Variants in CCDC27 observed in about 807,000 individuals in gnomAD.
The protein encoded by CCDC27 is coiled-coil domain containing 27.
Under a neutral mutation model 80.3 loss-of-function variants are expected in CCDC27, and 80 were observed. The observed-to-expected ratio is 1.00, with a 90% confidence interval of 0.83 to 1.20. CCDC27 has a LOEUF of 1.20. Ranked by LOEUF, CCDC27 falls within the 50% of genes most tolerant of loss-of-function variation. The pLI, the probability that CCDC27 is intolerant of heterozygous loss-of-function variation, is 0.00. For missense variants in CCDC27, 815 were observed against 809.4 expected, an observed-to-expected ratio of 1.01 and a Z score of -0.08; for synonymous variants, 342 against 334.3, an observed-to-expected ratio of 1.02 and a Z score of -0.25.
chr1:3,771,266 C>T lies in CCDC27; in HGVS notation c.1849-135C>T, dbSNP rs946779602. ...GGTTGTAAGTATTCACCAGCACACCCCTGCTGCAGCAAGCCTCTCTGGAGG... is the reference window on the plus strand; with the variant it reads ...GGTTGTAAGTATTCACCAGCACACCTCTGCTGCAGCAAGCCTCTCTGGAGG... On this transcript the variant is annotated intron_variant, in intron 11 of 11. Transcript: ENST00000294600. The T allele has an allele frequency of 2.3e-5, 24 of 1,063,582 alleles. No individual in the cohort carries two copies. The African/African-American group carries it at 3.3e-4, about 15-fold the overall frequency. 65.9% of individuals were successfully genotyped at this position (1,063,582 alleles called of 1,614,324 possible). A position where few individuals can be genotyped will look rare whatever the true frequency, so the allele number is the denominator to read the frequency against.
chr1:3,763,200 G>A lies in CCDC27; in HGVS notation c.1047G>A (p.Gly349=). The change falls in exon 7 of 12, where the codon GGG becomes GGA. Residue 349 remains glycine (G), a synonymous_variant. Coordinates refer to ENST00000294600, the MANE Select transcript of CCDC27 (RefSeq NM_152492.3). The surrounding 1 kb of genome is among the most constrained non-coding windows in gnomAD (Gnocchi z 7.5). ...AGGGCCTGGAAGGGGAGCCCGATGG[G>A]GTGGAGGACACGGGTGCCTGGGGAG... ...EDEGLEGEPD[G]VEDTGAWGGV... 2 of 1,529,440 alleles carry A rather than the reference G, an allele frequency of 1.3e-6. No homozygotes were observed. Among genetic ancestry groups the A allele is most frequent in the Non-Finnish European group, 8.8e-7 (1 of 1,135,106 alleles). The allele number at this position is 1,529,440 out of a possible 1,614,324, so 94.7% of individuals were successfully genotyped here. A position where few individuals can be genotyped will look rare whatever the true frequency, so the allele number is the denominator to read the frequency against.
intron 5 of CCDC27, 87 bp from the exon 6 acceptor site, chr1:3,762,533 G>A (rs545038171): frequency 1.0e-3 from 1,069 of 1,045,452 alleles, no homozygotes; most frequent in Non-Finnish European, 1.2e-3. Flanking sequence ...ATGAGAGGCC[G>A]CTGTCCCTTC....
Position 3,761,532 on chromosome 1 carries a change from C to T in CCDC27, c.861+102C>T. ...CACAGGCCCCTGGCAAACCCCCAGG[C>T]CCCCTGGATCCTATCAGGTCCTCAC... On this transcript the variant is annotated intron_variant, in intron 5 of 11. Transcript: ENST00000294600. This position sits in a 1 kb window ranked among gnomAD's most constrained non-coding sequence, Gnocchi z 5.0. The T allele has an allele frequency of 1.5e-6, 2 of 1,352,040 alleles. No homozygotes were observed. The allele number at this position is 1,352,040 out of a possible 1,614,324, so 83.8% of individuals were successfully genotyped here. A position where few individuals can be genotyped will look rare whatever the true frequency, so the allele number is the denominator to read the frequency against.
Position 3,766,650 on chromosome 1 carries a change from A to G in CCDC27, c.1530+38A>G. On this transcript the variant is annotated intron_variant, in intron 9 of 11. Coordinates refer to ENST00000294600, the MANE Select transcript of CCDC27 (RefSeq NM_152492.3). This position sits in a 1 kb window ranked among gnomAD's most constrained non-coding sequence, Gnocchi z 6.1. ...GTGTCGTTAAATGATCAGCCAGGCCACTGTTCTTACTGTAAGTCCCAACAC... is the reference window on the plus strand; with the variant it reads ...GTGTCGTTAAATGATCAGCCAGGCCGCTGTTCTTACTGTAAGTCCCAACAC... 6.5e-7 allele frequency: 1 copy of G among 1,536,098 alleles called. No homozygotes were observed. Among genetic ancestry groups the G allele is most frequent in the Non-Finnish European group, 9.0e-7 (1 of 1,111,998 alleles).
chr1:3,761,345 AG>A lies in CCDC27; in HGVS notation c.778del (p.Glu260ArgfsTer6), dbSNP rs1643080209. On this transcript the variant is annotated frameshift_variant, in exon 5 of 12. Transcript: ENST00000294600. LOFTEE classifies it high-confidence loss of function. The surrounding 1 kb of genome is among the most constrained non-coding windows in gnomAD (Gnocchi z 5.0). ...AAAGACGAGGAGATCCTGCTGCTCC[AG>A]GAGGAGAGGGAGGCCCTGAAGATGC... is the stretch of plus-strand genomic sequence containing the variant. ...QKKDEEILLL[Q>X]EEREALKMQL... 1.2e-6 allele frequency: 2 copies of A among 1,614,170 alleles called. No individual in the cohort carries two copies. Among genetic ancestry groups the A allele is most frequent in the Non-Finnish European group, 1.7e-6 (2 of 1,180,018 alleles).
chr1:3,753,272 G>A (rs1190088898), intron 1 of CCDC27, among the ~76,000 whole-genome samples: 1 of 151,910 alleles, frequency 6.6e-6, no homozygotes, highest in Non-Finnish European at 1.5e-5. Context: ...CTTCCTGGGT[G>A]AATGCATTGC....
chr1:3,756,645 C>A (rs1408093507), intron 3 of CCDC27, 88 bp from the exon 4 acceptor site: 1 of 1,449,638 alleles, frequency 6.9e-7, no homozygotes. Flanking sequence ...AGGGAAGTCT[C>A]GGAAGGGTGG....
At chr1:3,767,566 T>C in intron 10 of CCDC27, 121 bp downstream of exon 10, 1 of 786,832 alleles carries the variant, frequency 1.3e-6, no homozygotes, top group Non-Finnish European at 2.0e-6. Flanking sequence ...TCGGGCTGGT[T>C]CTGCCGTGTA....
rs764066435 is a variant in CCDC27 at position 3,763,584 on chromosome 1, G to T, written c.1321+110G>T. 87 of 1,556,210 alleles carry T rather than the reference G, an allele frequency of 5.6e-5. No homozygotes were observed. Among genetic ancestry groups the T allele is most frequent in the Non-Finnish European group, 7.5e-5 (86 of 1,146,488 alleles). On this transcript the variant is annotated intron_variant, in intron 7 of 11. Coordinates refer to ENST00000294600, the MANE Select transcript of CCDC27 (RefSeq NM_152492.3). This position sits in a 1 kb window ranked among gnomAD's most constrained non-coding sequence, Gnocchi z 7.5. ...TGGTCAGTGAGCTGGAGCAGGGGCA[G>T]GTGTCGGCAGCCTCACCCAGGCTGG... is the stretch of plus-strand genomic sequence containing the variant.
At position 3,766,591 on chromosome 1, in the gene CCDC27, G is replaced by A. The variant is rs1643232278; in HGVS notation, c.1509G>A (p.Lys503=). 1.2e-6 allele frequency: 2 copies of A among 1,613,674 alleles called. No homozygotes were observed. Among genetic ancestry groups the A allele is most frequent in the East Asian group, 2.2e-5 (1 of 44,864 alleles). Residue 503 remains lysine, a synonymous_variant, in exon 9 of 12, where the codon AAG becomes AAA. Coordinates refer to ENST00000294600, the MANE Select transcript of CCDC27 (RefSeq NM_152492.3). This position sits in a 1 kb window ranked among gnomAD's most constrained non-coding sequence, Gnocchi z 6.1. ...AAGAGATGATGGGGCTCATTGAAAAGGACAACCAGCTCCTCCGACAGGTGA... is the reference window on the plus strand; with the variant it reads ...AAGAGATGATGGGGCTCATTGAAAAAGACAACCAGCTCCTCCGACAGGTGA... ...KHQEMMGLIE[K]DNQLLRQQVS...
At chr1:3,762,343 G>T (rs1004714197) in intron 5 of CCDC27, among the ~76,000 whole-genome samples, 3 of 152,272 alleles carry the variant, frequency 2.0e-5, no homozygotes. Context: ...CAGTGGGCGT[G>T]TGTAAGGCTG....
At chr1:3,762,794 G>A in intron 6 of CCDC27, 82 bp downstream of exon 6, 1 of 1,286,034 alleles carries the variant, frequency 7.8e-7, no homozygotes, top group South Asian at 1.4e-5. Flanking sequence ...AGAGGCCCAG[G>A]CCCCAAGTGT....
In CCDC27 at chr1:3,752,754, G is replaced by A. The variant is rs571142679; in HGVS notation, c.273G>A (p.Thr91=). ...GGAAACCGCACCAAAAGCCACGCAC[G>A]CTCAGCAAGTCGGTCCAGACCATCA... ...PEWKPHQKPR[T]LSKSVQTISR... Residue 91 remains threonine, a synonymous_variant, in exon 1 of 12, where the codon ACG becomes ACA. Coordinates refer to ENST00000294600, the MANE Select transcript of CCDC27 (RefSeq NM_152492.3). The A allele has an allele frequency of 7.4e-6, 12 of 1,613,500 alleles. No homozygotes were observed. The highest frequency in any genetic ancestry group is 1.1e-5 in the South Asian group (1 of 91,072).
At chr1:3,762,568 G>A in intron 5 of CCDC27, 52 bp from the exon 6 acceptor site, 1 of 1,430,756 alleles carries the variant, frequency 7.0e-7, no homozygotes, top group South Asian at 1.2e-5. Context: ...GTCTGTCCCT[G>A]GGGTGCTGCA....
In CCDC27 at chr1:3,752,565, G is replaced by A. The variant is rs1217907629; in HGVS notation, c.84G>A (p.Arg28=). The change falls in exon 1 of 12, where the codon AGG becomes AGA. Residue 28 remains arginine (R), a synonymous_variant. Transcript: ENST00000294600. ...AAAAGCCGGGCCTGTCCTCATTCAG[G>A]TCCACATTCAGGCAACAAAGCTCAC... ...PREKPGLSSF[R]STFRQQSSLG... is the part of the protein sequence containing the mutation. 6.2e-7 allele frequency: 1 copy of A among 1,614,034 alleles called. No homozygotes were observed. The highest frequency in any genetic ancestry group is 8.5e-7 in the Non-Finnish European group (1 of 1,180,054).
chr1:3,766,827 G>A lies in CCDC27; in HGVS notation c.1530+215G>A, dbSNP rs1035832267. On this transcript the variant is annotated intron_variant, in intron 9 of 11. Coordinates refer to ENST00000294600, the MANE Select transcript of CCDC27 (RefSeq NM_152492.3). This position sits in a 1 kb window ranked among gnomAD's most constrained non-coding sequence, Gnocchi z 6.1. The stretch of plus-strand genomic sequence containing the variant: ...ACTGGACTGGAGGGACCCAGCAAGC[G>A]TTCCCAGTCCTTTTTTTTTTTTTTT... Among the ~76,000 whole-genome samples the A allele has an allele frequency of 2.7e-5, 4 of 146,250 alleles. No homozygotes were observed. Among genetic ancestry groups the A allele is most frequent in the African/African-American group, 1.0e-4 (4 of 38,974 alleles).
Position 3,763,418 on chromosome 1 carries a change from T to A in CCDC27, c.1265T>A (p.Ile422Asn), listed in dbSNP as rs1331099350. The A allele has an allele frequency of 6.2e-7, 1 of 1,612,028 alleles. No homozygotes were observed. The highest frequency in any genetic ancestry group is 8.5e-7 in the Non-Finnish European group (1 of 1,179,608). ...LAQLEEYEQV[I>N]LDFQFNLEAT... Reference sequence around the variant, plus strand: ...CAGCTGGAGGAGTACGAGCAGGTCATCCTGGACTTCCAGTTCAACCTGGAG... The same window carrying A: ...CAGCTGGAGGAGTACGAGCAGGTCAACCTGGACTTCCAGTTCAACCTGGAG... Residue 422 changes from isoleucine (I) to asparagine (N), a missense_variant, in exon 7 of 12, where the codon ATC becomes AAC. By Grantham distance (149) the Ile-to-Asn change is moderately radical. Transcript: ENST00000294600. The surrounding 1 kb of genome is among the most constrained non-coding windows in gnomAD (Gnocchi z 7.5).
chr1:3,753,873 A>G (rs1642885132), intron 1 of CCDC27, among the ~76,000 whole-genome samples: 1 of 151,668 alleles, frequency 6.6e-6, no homozygotes. Context: ...AGGCTTCAGG[A>G]TGCCTAAGAA....
At position 3,771,564 on chromosome 1, in the gene CCDC27, C is replaced by A; in HGVS notation, c.*41C>A. 7.5e-6 allele frequency: 12 copies of A among 1,607,032 alleles called. No individual in the cohort carries two copies. Among genetic ancestry groups the A allele is most frequent in the Non-Finnish European group, 1.0e-5 (12 of 1,178,204 alleles). ...CAAATACGGTCAGCCCAGCAGAGGC[C>A]GGGGCCCAGCTCCAGAACCACCCGC... On this transcript the variant is annotated 3_prime_UTR_variant, in exon 12 of 12. Coordinates refer to ENST00000294600, the MANE Select transcript of CCDC27 (RefSeq NM_152492.3).
Sources: gnomAD v4.1 joint callset for allele counts (sites outside exome capture counted in the v4.1 genomes callset) on GRCh38, gnomAD v4.1.1 for gene constraint, Gnocchi (gnomAD v3.1) non-coding constraint, MANE v1.5 for transcripts, NCBI Gene and HGNC (gene_info 2026-07-23, HGNC 2026-07-21) for gene names.